Variants in MATCAP2 observed in about 807,000 individuals in gnomAD.
The protein encoded by MATCAP2 is putative tyrosine carboxypeptidase MATCAP2.
the MATCAP2 span, among the ~76,000 whole-genome samples, chr7:36,350,155 T>C: frequency 2.2e-3 from 328 of 152,336 alleles, 1 homozygote; most frequent in Non-Finnish European, 2.4e-3. Flanking sequence ...AGTACAATTA[T>C]AACTTAGCTT....
the MATCAP2 span, among the ~76,000 whole-genome samples, chr7:36,328,877 C>T: frequency 6.6e-6 from 1 of 151,728 alleles, no homozygotes; most frequent in Non-Finnish European, 1.5e-5. Flanking sequence ...AACCCTGTCT[C>T]TACTAAAAAT....
chr7:36,336,207 G>A, the MATCAP2 span: 10 of 1,536,108 alleles, frequency 6.5e-6, no homozygotes, highest in Non-Finnish European at 8.7e-6. Context: ...CTCCAGATTC[G>A]AGTTTTAGAG....
At chr7:36,364,717 C>T in the MATCAP2 span, among the ~76,000 whole-genome samples, 1 of 152,278 alleles carries the variant, frequency 6.6e-6, no homozygotes, top group East Asian at 1.9e-4. Flanking sequence ...GAGAGGAGGG[C>T]ATGTTTTCAG....
chr7:36,382,670 C>T, the MATCAP2 span, among the ~76,000 whole-genome samples: 1 of 151,902 alleles, frequency 6.6e-6, no homozygotes, highest in East Asian at 1.9e-4. Flanking sequence ...TTTTTTTGTA[C>T]TTTTAGTAGA....
chr7:36,343,193 AT>A, the MATCAP2 span, among the ~76,000 whole-genome samples: 1 of 149,712 alleles, frequency 6.7e-6, no homozygotes, highest in South Asian at 2.1e-4. Context: ...ACCAATAATA[AT>A]CTTCAAAAAT....
chr7:36,371,360 G>T, the MATCAP2 span, among the ~76,000 whole-genome samples: 1 of 151,826 alleles, frequency 6.6e-6, no homozygotes, highest in Non-Finnish European at 1.5e-5. Context: ...CAATCTGCCT[G>T]CCTCCGCCTC....
chr7:36,385,968 A>G, the MATCAP2 span, among the ~76,000 whole-genome samples: 1 of 152,110 alleles, frequency 6.6e-6, no homozygotes, highest in South Asian at 2.1e-4. Context: ...TAGCCTGGCC[A>G]ACATGGGGAA....
At chr7:36,387,509 G>C in the MATCAP2 span, among the ~76,000 whole-genome samples, 1 of 152,174 alleles carries the variant, frequency 6.6e-6, no homozygotes, top group South Asian at 2.1e-4. Context: ...ATGAACTACC[G>C]GGGGTTAAGA....
chr7:36,379,841 C>CAGAGAGAGAG, the MATCAP2 span, among the ~76,000 whole-genome samples: 212 of 127,482 alleles, frequency 1.7e-3, no homozygotes, highest in East Asian at 3.9e-3. Flanking sequence ...CACACACACA[C>CAGAGAGAGAG]ACACACAGAG....
At chr7:36,354,909 G>A in the MATCAP2 span, among the ~76,000 whole-genome samples, 1 of 152,152 alleles carries the variant, frequency 6.6e-6, no homozygotes, top group Admixed American at 6.5e-5. Context: ...CTCTCAAACT[G>A]TGGGGCTGCT....
At chr7:36,351,982 C>G in the MATCAP2 span, among the ~76,000 whole-genome samples, 1 of 142,162 alleles carries the variant, frequency 7.0e-6, no homozygotes, top group Admixed American at 7.0e-5. Context: ...TACAATAACA[C>G]AAGGAAAATA....
At chr7:36,353,568 C>T in the MATCAP2 span, among the ~76,000 whole-genome samples, 2 of 150,690 alleles carry the variant, frequency 1.3e-5, no homozygotes, top group Non-Finnish European at 2.9e-5. Flanking sequence ...GTAACCTCCA[C>T]CTCCCAGGTT....
At chr7:36,366,949 C>G in the MATCAP2 span, 3 of 1,362,060 alleles carry the variant, frequency 2.2e-6, no homozygotes, top group South Asian at 5.5e-5. Flanking sequence ...ATCGTCGCCC[C>G]GAGGCCCGGG....
chr7:36,357,592 T>C, the MATCAP2 span: 1 of 1,592,040 alleles, frequency 6.3e-7, no homozygotes. Context: ...GAAGCTTTTC[T>C]GTGTTAATAA....
At chr7:36,335,219 C>T in the MATCAP2 span, 60 of 1,595,704 alleles carry the variant, frequency 3.8e-5, 1 homozygote, top group South Asian at 5.4e-4. Context: ...TAAAACAAAA[C>T]ATAAAGGTAA....
chr7:36,384,113 CTT>C, the MATCAP2 span, among the ~76,000 whole-genome samples: 1 of 152,012 alleles, frequency 6.6e-6, no homozygotes, highest in African/African-American at 2.4e-5. Flanking sequence ...TTTGGAGGGT[CTT>C]TGTTGCAGTC....
the MATCAP2 span, among the ~76,000 whole-genome samples, chr7:36,384,437 T>C: frequency 5.3e-5 from 8 of 152,294 alleles, no homozygotes; most frequent in East Asian, 3.9e-4. Context: ...ATCTCTAAAA[T>C]AGGAATAAGA....
chr7:36,356,642 G>C, the MATCAP2 span: 5 of 563,666 alleles, frequency 8.9e-6, 1 homozygote, highest in Admixed American at 1.6e-4. Context: ...CTTAGAACCA[G>C]AATCTGAAGC....
chr7:36,383,897 G>A, the MATCAP2 span: 8 of 1,604,468 alleles, frequency 5.0e-6, no homozygotes, highest in East Asian at 2.3e-5. Context: ...TCTTGCCACT[G>A]CCTTATGATT....
Sources: gnomAD v4.1 joint callset for allele counts (sites outside exome capture counted in the v4.1 genomes callset) on GRCh38, gnomAD v4.1.1 for gene constraint, MANE v1.5 for transcripts, NCBI Gene and HGNC (gene_info 2026-07-23, HGNC 2026-07-21) for gene names.